The following PACS1 variants were observed in gnomAD, a reference collection of about 807,000 sequenced individuals.
PACS1 encodes the protein PACS-1.
A neutral mutation model predicts 115.0 loss-of-function variants in PACS1; 24 were observed. The ratio of observed to expected loss-of-function variants is 0.21; its 90% confidence interval spans 0.15 to 0.29. The LOEUF is 0.29. Ranked by LOEUF, PACS1 falls within the 10% of genes least tolerant of loss-of-function variation. The probability of loss-of-function intolerance (pLI) is 1.00; values close to 1 mark genes in which losing one functional copy is unlikely to be tolerated. For missense variants in PACS1, 838 were observed against 1,251.2 expected, an observed-to-expected ratio of 0.67 and a Z score of 4.98; for synonymous variants, 453 against 504.5, an observed-to-expected ratio of 0.90 and a Z score of 1.37.
intron 2 of PACS1, among the ~76,000 whole-genome samples, chr11:66,194,595 A>G (rs965577017): frequency 2.0e-5 from 3 of 152,130 alleles, no homozygotes; most frequent in African/African-American, 7.2e-5. Context: ...GACCTCCCTT[A>G]ACTGATTAAT....
chr11:66,152,963 C>G (rs1859274335), intron 1 of PACS1, among the ~76,000 whole-genome samples: 1 of 152,130 alleles, frequency 6.6e-6, no homozygotes, highest in Non-Finnish European at 1.5e-5. Flanking sequence ...GAATTCATCA[C>G]CAGCAGACTT....
In PACS1 at chr11:66,236,764, TA is replaced by T. The variant is rs1311144037; in HGVS notation, c.2250+825del. On this transcript the variant is annotated intron_variant, in intron 19 of 23. Transcript: ENST00000320580. The surrounding 1 kb of genome is among the most constrained non-coding windows in gnomAD (Gnocchi z 4.2). ...GAAACCAGCTTCTATCTTTTTTTAT[TA>T]TTTTTTTTTTTTATGAGATGGAGTC... Among the ~76,000 whole-genome samples the T allele has an allele frequency of 6.9e-6, 1 of 144,214 alleles. No homozygotes were observed. The highest frequency in any genetic ancestry group is 1.5e-5 in the Non-Finnish European group (1 of 65,604). The allele number at this position is 144,214 out of a possible 152,430, so 94.6% of individuals were successfully genotyped here.
chr11:66,080,065 C>T (rs373956244), intron 1 of PACS1, among the ~76,000 whole-genome samples: 9 of 152,228 alleles, frequency 5.9e-5, no homozygotes, highest in African/African-American at 1.7e-4. Context: ...CACACCTACT[C>T]GCCATTACTG....
At chr11:66,075,068 G>A (rs961026151) in intron 1 of PACS1, among the ~76,000 whole-genome samples, 3 of 145,684 alleles carry the variant, frequency 2.1e-5, no homozygotes, top group African/African-American at 5.1e-5. Flanking sequence ...TCAGCCTCCC[G>A]AGTAGCTGGG....
chr11:66,236,012 A>T lies in PACS1; in HGVS notation c.2250+72A>T. 1 of 1,358,794 alleles carries T rather than the reference A, an allele frequency of 7.4e-7. No individual in the cohort carries two copies. Among genetic ancestry groups the T allele is most frequent in the Non-Finnish European group, 1.1e-6 (1 of 946,736 alleles). The allele number at this position is 1,358,794 out of a possible 1,614,324, so 84.2% of individuals were successfully genotyped here. ...CTTCCTGTTCCCCCTTACACAGGAA[A>T]ACAAAAGATTCATCTAGAACAGTGG... On this transcript the variant is annotated intron_variant, in intron 19 of 23. Coordinates refer to ENST00000320580, the MANE Select transcript of PACS1 (RefSeq NM_018026.4). The surrounding 1 kb of genome is among the most constrained non-coding windows in gnomAD (Gnocchi z 4.2).
chr11:66,138,913 C>T (rs1018626009), intron 1 of PACS1, among the ~76,000 whole-genome samples: 13 of 151,584 alleles, frequency 8.6e-5, no homozygotes, highest in South Asian at 6.3e-4. Context: ...GATATCTTGA[C>T]CTCATGATCC....
chr11:66,185,818 A>C (rs1854350502), intron 1 of PACS1, among the ~76,000 whole-genome samples: 1 of 152,162 alleles, frequency 6.6e-6, no homozygotes, highest in African/African-American at 2.4e-5. Context: ...AATTTGGCCA[A>C]CTGGTTCTTT....
intron 1 of PACS1, among the ~76,000 whole-genome samples, chr11:66,096,252 G>C (rs1383454944): frequency 1.6e-5 from 2 of 128,020 alleles, no homozygotes; most frequent in Non-Finnish European, 3.1e-5. Context: ...GTGTTTCGCT[G>C]TGTCACCAAG....
intron 1 of PACS1, among the ~76,000 whole-genome samples, chr11:66,108,377 T>C (rs1000100719): frequency 6.6e-6 from 1 of 152,020 alleles, no homozygotes; most frequent in African/African-American, 2.4e-5. Context: ...CCATATTACA[T>C]CCTTAGGGCA....
chr11:66,167,768 T>C (rs546621948), intron 1 of PACS1, among the ~76,000 whole-genome samples: 1 of 150,440 alleles, frequency 6.6e-6, no homozygotes, highest in South Asian at 2.1e-4. Flanking sequence ...TTCCCAGTTA[T>C]TGAAATACTG....
At chr11:66,182,210 T>C (rs1258687186) in intron 1 of PACS1, among the ~76,000 whole-genome samples, 2 of 152,128 alleles carry the variant, frequency 1.3e-5, no homozygotes, top group Admixed American at 6.5e-5. Flanking sequence ...TGTTGGTCTG[T>C]GCAAGTAATT....
Position 66,232,179 on chromosome 11 carries a change from G to A in PACS1, c.1634G>A (p.Arg545Lys), listed in dbSNP as rs758424804. ...TTTCTTTTGTTCCTGCAGATTCCAA[G>A]AAAGGTGGTGTATGACCAGCTCAAT... ...PDLGHSTQIP[R>K]KVVYDQLNQI... Residue 545 changes from arginine (R) to lysine (K), a missense_variant, in exon 14 of 24, where the codon AGA becomes AAA. Arg to Lys is a conservative substitution (Grantham distance 26, BLOSUM62 2). Around this residue, in one of 6 missense-constraint regions of PACS1, gnomAD observed 383 missense variants for 537.0 expected, o/e 0.71. Transcript: ENST00000320580. 1.9e-6 allele frequency: 3 copies of A among 1,610,724 alleles called. No homozygotes were observed. Among genetic ancestry groups the A allele is most frequent in the Non-Finnish European group, 2.5e-6 (3 of 1,176,908 alleles).
chr11:66,101,333 T>G (rs904288948), intron 1 of PACS1, among the ~76,000 whole-genome samples: 1 of 152,212 alleles, frequency 6.6e-6, no homozygotes, highest in Non-Finnish European at 1.5e-5. Flanking sequence ...CATTCTTGTG[T>G]GATACAGAAA....
chr11:66,195,948 G>A (rs1379561510), intron 2 of PACS1, among the ~76,000 whole-genome samples: 1 of 152,196 alleles, frequency 6.6e-6, no homozygotes, highest in Non-Finnish European at 1.5e-5. Flanking sequence ...GCCTTTTTCA[G>A]CATGTTGACT....
intron 1 of PACS1, among the ~76,000 whole-genome samples, chr11:66,171,218 T>C (rs1415381998): frequency 6.6e-6 from 1 of 150,494 alleles, no homozygotes; most frequent in Non-Finnish European, 1.5e-5. Flanking sequence ...TCTAGAATTT[T>C]CTTCCTGATG....
chr11:66,178,268 A>G (rs1052251084), intron 1 of PACS1, among the ~76,000 whole-genome samples: 1 of 152,022 alleles, frequency 6.6e-6, no homozygotes, highest in South Asian at 2.1e-4. Flanking sequence ...TTCTGTTGTT[A>G]TCATTCCCTT....
At chr11:66,241,328 C>T in intron 21 of PACS1, 99 bp from the exon 22 acceptor site, 2 of 853,588 alleles carry the variant, frequency 2.3e-6, no homozygotes, top group Admixed American at 5.0e-5. Flanking sequence ...CTTCCTCAGC[C>T]TGCCCTCCCG....
At chr11:66,136,007 A>G (rs1036472399) in intron 1 of PACS1, among the ~76,000 whole-genome samples, 3 of 152,070 alleles carry the variant, frequency 2.0e-5, no homozygotes, top group Admixed American at 2.0e-4. Context: ...TGCCTTCCAG[A>G]CTAGCTTCTG....
Position 66,210,291 on chromosome 11 carries a change from C to G in PACS1, c.445-71C>G. 12 of 1,198,052 alleles carry G rather than the reference C, an allele frequency of 1.0e-5. 1 individual carries two copies. In the South Asian group the frequency reaches 1.5e-4, roughly 15 times the overall value. 74.2% of individuals were successfully genotyped at this position (1,198,052 alleles called of 1,614,324 possible). The stretch of plus-strand genomic sequence containing the variant: ...GTCCAAGCAGTCCTTCTGCCTCAGC[C>G]TCCCAAACTGCTGGGATTACTGGCA... On this transcript the variant is annotated intron_variant, in intron 2 of 23. Coordinates refer to ENST00000320580, the MANE Select transcript of PACS1 (RefSeq NM_018026.4).
Sources: gnomAD v4.1 joint callset for allele counts (sites outside exome capture counted in the v4.1 genomes callset) on GRCh38, gnomAD v4.1.1 for gene constraint, gnomAD v4.1.1 regional missense constraint, Gnocchi (gnomAD v3.1) non-coding constraint, MANE v1.5 for transcripts, NCBI Gene and HGNC (gene_info 2026-07-23, HGNC 2026-07-21) for gene names.